CCDC73: variants seen among roughly 807,000 people sequenced by gnomAD.
The protein encoded by CCDC73 is coiled-coil domain-containing protein 73.
In CCDC73, 95 loss-of-function variants were observed where a neutral mutation model predicts 116.5. The observed-to-expected ratio is 0.82, with a 90% CI of 0.69 to 0.97. The LOEUF is 0.97. CCDC73 is among the 50% of genes least tolerant of loss of function. The pLI is 0.00. For synonymous variants in CCDC73, 398 were observed against 401.3 expected (o/e 0.99, Z 0.10); for missense variants, 1,066 against 1,206.8 (o/e 0.88, Z 1.73).
At chr11:32,726,011 A>C (rs776003050) in intron 2 of CCDC73, among the ~76,000 whole-genome samples, 1 of 152,216 alleles carries the variant, frequency 6.6e-6, no homozygotes, top group Non-Finnish European at 1.5e-5. Context: ...CACAAAGACG[A>C]AAACAGCTTC....
intron 1 of CCDC73, among the ~76,000 whole-genome samples, chr11:32,768,990 G>C (rs998440632): frequency 3.9e-5 from 6 of 152,084 alleles, no homozygotes; most frequent in Non-Finnish European, 5.9e-5. Flanking sequence ...AGTAATCAAG[G>C]ATATGCAAAT....
At position 32,739,400 on chromosome 11, in the gene CCDC73, G is replaced by A. The variant is rs141463067; in HGVS notation, c.135+20709C>T. Among the ~76,000 whole-genome samples, 1,259 of 152,120 alleles carry A rather than the reference G, an allele frequency of 8.3e-3. 8 individuals carry two copies. The highest frequency in any genetic ancestry group is 0.024 in the Middle Eastern group (7 of 294). Reference sequence around the variant, plus strand: ...CCAATGTTTTATAGTTTTCATTGTAGAGAGCATTCAATTCTTTGATTAAGT... The same window carrying A: ...CCAATGTTTTATAGTTTTCATTGTAAAGAGCATTCAATTCTTTGATTAAGT... On this transcript the variant is annotated intron_variant, in intron 2 of 17. Coordinates refer to ENST00000335185, the MANE Select transcript of CCDC73 (RefSeq NM_001008391.4).
chr11:32,825,855 C>A, the CCDC73 span, among the ~76,000 whole-genome samples: 1 of 152,142 alleles, frequency 6.6e-6, no homozygotes, highest in Non-Finnish European at 1.5e-5. Context: ...AAAATGCCAA[C>A]ATCAGTACAC....
At chr11:32,661,689 T>C (rs1024624112) in intron 9 of CCDC73, among the ~76,000 whole-genome samples, 5 of 150,278 alleles carry the variant, frequency 3.3e-5, no homozygotes, top group Non-Finnish European at 7.4e-5. Flanking sequence ...TTTCTTTATT[T>C]TATTATTATT....
At chr11:32,685,708 C>A (rs565140242) in intron 6 of CCDC73, among the ~76,000 whole-genome samples, 1 of 147,250 alleles carries the variant, frequency 6.8e-6, no homozygotes, top group African/African-American at 2.5e-5. Context: ...TGTGACAAAG[C>A]CTGACTTAGC....
intron 13 of CCDC73, among the ~76,000 whole-genome samples, chr11:32,641,428 AT>A (rs1704407275): frequency 6.6e-6 from 1 of 152,058 alleles, no homozygotes. Flanking sequence ...AAATAAAAAA[AT>A]ATGATTTAAG....
chr11:32,790,725 A>G (rs570001378), intron 1 of CCDC73, among the ~76,000 whole-genome samples: 341 of 152,254 alleles, frequency 2.2e-3, no homozygotes, highest in Middle Eastern at 0.014. Context: ...AATAGTTAAA[A>G]CATGAACTGT....
chr11:32,690,053 G>A (rs1856240314), intron 6 of CCDC73, among the ~76,000 whole-genome samples: 2 of 151,760 alleles, frequency 1.3e-5, no homozygotes, highest in Non-Finnish European at 2.9e-5. Context: ...AAGTATATAA[G>A]GTATAAAGAC....
chr11:32,761,349 T>C (rs749889487), intron 1 of CCDC73, among the ~76,000 whole-genome samples: 4 of 152,232 alleles, frequency 2.6e-5, no homozygotes, highest in African/African-American at 4.8e-5. Context: ...AATAACATTT[T>C]AGTAGTTTCC....
chr11:32,612,216 C>CT (rs1855427891), intron 16 of CCDC73, among the ~76,000 whole-genome samples: 1 of 152,050 alleles, frequency 6.6e-6, no homozygotes, highest in South Asian at 2.1e-4. Context: ...TTTAAGGTGT[C>CT]TAAGTGCACA....
chr11:32,827,619 G>T, the CCDC73 span, among the ~76,000 whole-genome samples: 3 of 152,186 alleles, frequency 2.0e-5, no homozygotes, highest in Non-Finnish European at 4.4e-5. Flanking sequence ...AGTGGGAAAT[G>T]AAGCACTTTT....
chr11:32,606,535 C>T (rs1416647326), intron 17 of CCDC73, among the ~76,000 whole-genome samples: 1 of 152,190 alleles, frequency 6.6e-6, no homozygotes, highest in African/African-American at 2.4e-5. Context: ...GTACTTGGCA[C>T]ATAGTAATAA....
chr11:32,672,299 G>A (rs895865783), intron 9 of CCDC73, among the ~76,000 whole-genome samples: 9 of 152,082 alleles, frequency 5.9e-5, no homozygotes, highest in Non-Finnish European at 8.8e-5. Flanking sequence ...CCGAGATTGC[G>A]CCATTGCATT....
the CCDC73 span, chr11:32,830,061 G>C: frequency 1.0e-6 from 1 of 987,968 alleles, no homozygotes; most frequent in Non-Finnish European, 1.2e-6. Context: ...GCGAGGCCCG[G>C]AGCGTCGCCG....
chr11:32,607,709 C>T (rs954388128), intron 17 of CCDC73, among the ~76,000 whole-genome samples: 27 of 152,106 alleles, frequency 1.8e-4, no homozygotes, highest in African/African-American at 6.3e-4. Context: ...TACACACATA[C>T]ACCAAGTGGA....
intron 3 of CCDC73, among the ~76,000 whole-genome samples, chr11:32,704,060 C>T (rs1452096154): frequency 1.3e-5 from 2 of 152,184 alleles, no homozygotes; most frequent in African/African-American, 2.4e-5. Context: ...AGGGAGGTTG[C>T]GGCCAAGGCT....
the CCDC73 span, among the ~76,000 whole-genome samples, chr11:32,812,870 A>G: frequency 6.6e-6 from 1 of 151,878 alleles, no homozygotes; most frequent in Non-Finnish European, 1.5e-5. Flanking sequence ...ACCAAACTGT[A>G]ACTGAAATTT....
chr11:32,630,489 G>A (rs879641510), intron 14 of CCDC73, among the ~76,000 whole-genome samples: 9 of 152,172 alleles, frequency 5.9e-5, no homozygotes, highest in African/African-American at 9.6e-5. Flanking sequence ...GATCACAGGC[G>A]CACGTCACCA....
intron 6 of CCDC73, among the ~76,000 whole-genome samples, chr11:32,695,172 C>G (rs1222140503): frequency 6.6e-6 from 1 of 152,084 alleles, no homozygotes; most frequent in Non-Finnish European, 1.5e-5. Context: ...AGTTCAAGAC[C>G]AGCCTGGCCA....
Sources: allele counts gnomAD v4.1 joint callset (sites outside exome capture counted in the v4.1 genomes callset), GRCh38; gene constraint gnomAD v4.1.1; transcripts MANE v1.5; gene names NCBI Gene and HGNC (gene_info 2026-07-23, HGNC 2026-07-21).